The following PALLD variants were observed in gnomAD, a reference collection of about 807,000 sequenced individuals.
PALLD encodes palladin.
Under a neutral mutation model 123.5 loss-of-function variants are expected in PALLD, and 61 were observed. That is an observed-to-expected ratio of 0.49 (90% CI 0.40 to 0.61). The LOEUF is 0.61. Ranked by LOEUF, PALLD falls within the 20% of genes least tolerant of loss-of-function variation. PALLD has a pLI of 0.00. For missense variants in PALLD, 1,273 were observed against 1,377.0 expected, an observed-to-expected ratio of 0.92 and a Z score of 1.20; for synonymous variants, 465 against 496.4, an observed-to-expected ratio of 0.94 and a Z score of 0.84.
Position 168,878,198 on chromosome 4 carries a change from C to T in PALLD, c.1965-12724C>T, listed in dbSNP as rs1311193979. ...GGTCTTCAGCCCCACGGCTGCCTTC[C>T]CGGTGCCCGACGTGTTCCCACTGCC... On this transcript the variant is annotated intron_variant, in intron 10 of 21. Transcript: ENST00000505667. 5.3e-6 allele frequency: 8 copies of T among 1,514,630 alleles called. No individual in the cohort carries two copies. The South Asian group carries it at 7.3e-5, about 14-fold the overall frequency. 93.8% of individuals were successfully genotyped at this position (1,514,630 alleles called of 1,614,324 possible). A position where few individuals can be genotyped will look rare whatever the true frequency, so the allele number is the denominator to read the frequency against.
chr4:168,569,739 C>T (rs1009884601), intron 2 of PALLD, among the ~76,000 whole-genome samples: 1 of 152,054 alleles, frequency 6.6e-6, no homozygotes, highest in Non-Finnish European at 1.5e-5. Flanking sequence ...CTGGTTAGTG[C>T]GGCATATGGT....
intron 10 of PALLD, among the ~76,000 whole-genome samples, chr4:168,719,367 C>T (rs1427352417): frequency 1.4e-5 from 2 of 147,288 alleles, no homozygotes; most frequent in African/African-American, 5.1e-5. Context: ...AAGTGATTCT[C>T]CTGCCTCAGC....
chr4:168,746,129 C>A (rs566389829), intron 10 of PALLD, among the ~76,000 whole-genome samples: 2 of 152,164 alleles, frequency 1.3e-5, no homozygotes, highest in African/African-American at 4.8e-5. Flanking sequence ...GAATCAGAAT[C>A]TCTAGTTCAA....
At chr4:168,839,714 A>T (rs1483521182) in intron 10 of PALLD, among the ~76,000 whole-genome samples, 1 of 152,176 alleles carries the variant, frequency 6.6e-6, no homozygotes, top group Non-Finnish European at 1.5e-5. Flanking sequence ...GAACATTCCA[A>T]GTGGAGATGT....
At chr4:168,665,847 A>T (rs905115744) in intron 2 of PALLD, among the ~76,000 whole-genome samples, 28 of 152,184 alleles carry the variant, frequency 1.8e-4, no homozygotes, top group African/African-American at 6.5e-4. Context: ...ATAAAGATCC[A>T]GATACTACAT....
rs1762546993 is a variant in PALLD, at chr4:168,511,721, G to A, written c.217G>A (p.Ala73Thr). The A allele has an allele frequency of 6.2e-7, 1 of 1,614,168 alleles. No homozygotes were observed. The highest frequency in any genetic ancestry group is 1.1e-5 in the South Asian group (1 of 91,082). Residue 73 changes from alanine (A) to threonine (T), a missense_variant, in exon 2 of 22, where the codon GCA (alanine) becomes ACA (threonine). Around this residue, in one of 2 missense-constraint regions of PALLD, gnomAD observed 944 missense variants for 954.5 expected, o/e 0.99. Transcript: ENST00000505667. ...CTCGCAGATTTTCAGTACTTCTCCT[G>A]CAAGCCTCTGTGAACATCCTTCCCA... ...EISQIFSTSP[A>T]SLCEHPSHKE...
chr4:168,897,356 ACT>A (rs1456714762), intron 13 of PALLD, among the ~76,000 whole-genome samples: 1 of 152,240 alleles, frequency 6.6e-6, no homozygotes, highest in Non-Finnish European at 1.5e-5. Flanking sequence ...TTTTTTAAAC[ACT>A]GAGTAACTTC....
chr4:168,606,273 T>C (rs1030417853), intron 2 of PALLD, among the ~76,000 whole-genome samples: 1 of 152,192 alleles, frequency 6.6e-6, no homozygotes, highest in African/African-American at 2.4e-5. Flanking sequence ...TTTATTTTAG[T>C]GCCAGTGGTG....
intron 10 of PALLD, among the ~76,000 whole-genome samples, chr4:168,784,286 T>C (rs1354502489): frequency 6.6e-6 from 1 of 151,698 alleles, no homozygotes; most frequent in African/African-American, 2.4e-5. Flanking sequence ...TAAGCTGTGA[T>C]TGTGCCACTG....
At chr4:168,808,933 G>A (rs866834610) in intron 10 of PALLD, among the ~76,000 whole-genome samples, 8 of 152,358 alleles carry the variant, frequency 5.3e-5, no homozygotes, top group Middle Eastern at 3.4e-3. Context: ...ACCATATCAA[G>A]TATATAAGCA....
At chr4:168,655,593 CA>C (rs1210663394) in intron 2 of PALLD, among the ~76,000 whole-genome samples, 3 of 152,176 alleles carry the variant, frequency 2.0e-5, no homozygotes, top group Non-Finnish European at 4.4e-5. Flanking sequence ...ATTTGGAGAA[CA>C]GATGAAAAAT....
chr4:168,642,598 C>T lies in PALLD; in HGVS notation c.909-25592C>T, dbSNP rs1473395447. On this transcript the variant is annotated intron_variant, in intron 2 of 21. Transcript: ENST00000505667. ...TGTATTTTTAATAGAGATAAGGTTT[C>T]ACCCTGTTGGCCAGGCTGGTCTCAA... Among the ~76,000 whole-genome samples the T allele has an allele frequency of 2.0e-5, 3 of 152,270 alleles. No homozygotes were observed. In the East Asian group the frequency reaches 5.8e-4, roughly 29 times the overall value.
intron 4 of PALLD, among the ~76,000 whole-genome samples, chr4:168,682,237 A>G (rs1425392537): frequency 1.3e-5 from 2 of 152,212 alleles, no homozygotes; most frequent in East Asian, 1.9e-4. Context: ...GGAAAAGTCC[A>G]TAAATATTGA....
At chr4:168,900,139 T>C (rs1265838095) in intron 14 of PALLD, among the ~76,000 whole-genome samples, 18 of 152,084 alleles carry the variant, frequency 1.2e-4, no homozygotes, top group Admixed American at 1.0e-3. Context: ...TGTGAACTAA[T>C]TGAGCAAGAA....
At chr4:168,831,461 TA>T (rs1581680096) in intron 10 of PALLD, among the ~76,000 whole-genome samples, 1 of 152,310 alleles carries the variant, frequency 6.6e-6, no homozygotes, top group East Asian at 1.9e-4. Flanking sequence ...CAGAACCCAG[TA>T]AACTAATTAA....
At chr4:168,595,710 C>A (rs1035873700) in intron 2 of PALLD, among the ~76,000 whole-genome samples, 1 of 152,010 alleles carries the variant, frequency 6.6e-6, no homozygotes, top group African/African-American at 2.4e-5. Context: ...TGAATTCAGT[C>A]GTGAGAGTGC....
At chr4:168,608,792 C>T (rs561208691) in intron 2 of PALLD, among the ~76,000 whole-genome samples, 1 of 146,212 alleles carries the variant, frequency 6.8e-6, no homozygotes, top group South Asian at 2.2e-4. Context: ...TACTACCACT[C>T]AGATCAGTGA....
At chr4:168,529,991 G>A (rs950226047) in intron 2 of PALLD, among the ~76,000 whole-genome samples, 21 of 152,036 alleles carry the variant, frequency 1.4e-4, no homozygotes, top group African/African-American at 4.6e-4. Flanking sequence ...ATTCTAAATG[G>A]TGCACATTTA....
chr4:168,504,046 T>G (rs1354410355), intron 1 of PALLD, among the ~76,000 whole-genome samples: 1 of 152,232 alleles, frequency 6.6e-6, no homozygotes, highest in African/African-American at 2.4e-5. Context: ...GAGTTATTTT[T>G]TACTCTTGTC....
Sources: gnomAD v4.1 joint callset for allele counts (sites outside exome capture counted in the v4.1 genomes callset) on GRCh38, gnomAD v4.1.1 for gene constraint, gnomAD v4.1.1 regional missense constraint, MANE v1.5 for transcripts, NCBI Gene and HGNC (gene_info 2026-07-23, HGNC 2026-07-21) for gene names.